LANCL3: variants seen among roughly 807,000 people sequenced by gnomAD.
LANCL3 encodes LanC like family member 3, also known as lanC-like protein 3.
A neutral mutation model predicts 26.5 loss-of-function variants in LANCL3; 19 were observed. The observed-to-expected ratio is 0.72, with a 90% confidence interval of 0.50 to 1.05. The LOEUF (loss-of-function observed/expected upper bound fraction) is 1.05, where lower values mean the gene tolerates loss of function less well. Among genes scored for constraint, LANCL3 ranks in the 50% least tolerant of loss-of-function variants. The pLI, the probability that LANCL3 is intolerant of heterozygous loss-of-function variation, is 0.00. For synonymous variants in LANCL3, 160 were observed against 166.6 expected (o/e 0.96, Z 0.30); for missense variants, 318 against 362.7 (o/e 0.88, Z 1.00).
At chrX:37,650,040 G>A (rs1173049098) in intron 1 of LANCL3, among the ~76,000 whole-genome samples, 17 of 110,458 alleles carry the variant, frequency 1.5e-4, no homozygotes, top group African/African-American at 5.0e-4. Flanking sequence ...GGTGGTTCAC[G>A]CCTGTAATCC....
intron 1 of LANCL3, among the ~76,000 whole-genome samples, chrX:37,617,140 G>A (rs1556421785): frequency 9.0e-6 from 1 of 110,516 alleles, no homozygotes; most frequent in Admixed American, 9.6e-5. Context: ...GGGAGAGAGA[G>A]AGAGATTGAC....
chrX:37,584,792 C>G (rs782049902), intron 1 of LANCL3, among the ~76,000 whole-genome samples: 4 of 111,614 alleles, frequency 3.6e-5, no homozygotes, highest in Non-Finnish European at 7.5e-5. Flanking sequence ...GTTTCTCTAT[C>G]TCCTTCAGTT....
chrX:37,625,877 A>G (rs782525682), intron 1 of LANCL3, among the ~76,000 whole-genome samples: 2 of 111,632 alleles, frequency 1.8e-5, no homozygotes, highest in South Asian at 3.8e-4. Flanking sequence ...TTTTTTGCCA[A>G]TAGGTCTGCA....
chrX:37,669,495 T>C (rs1482214766), intron 4 of LANCL3, among the ~76,000 whole-genome samples: 2 of 111,639 alleles, frequency 1.8e-5, no homozygotes, highest in African/African-American at 3.3e-5. Flanking sequence ...TACTGTATAG[T>C]GATAGAGTTC....
intron 1 of LANCL3, among the ~76,000 whole-genome samples, chrX:37,636,496 A>G (rs1556425354): frequency 1.8e-5 from 2 of 112,494 alleles, no homozygotes; most frequent in African/African-American, 6.5e-5. Context: ...TAACTTTTTA[A>G]AAAGCTTGCG....
intron 1 of LANCL3, among the ~76,000 whole-genome samples, chrX:37,619,635 A>G (rs944763410): frequency 8.9e-6 from 1 of 112,064 alleles, no homozygotes; most frequent in Non-Finnish European, 1.9e-5. Flanking sequence ...TTAAATTTTG[A>G]AACTTGCTAA....
intron 1 of LANCL3, among the ~76,000 whole-genome samples, chrX:37,603,774 A>C (rs1556420274): frequency 8.9e-6 from 1 of 112,346 alleles, no homozygotes; most frequent in Non-Finnish European, 1.9e-5. Flanking sequence ...GCAGAAGAAA[A>C]GGGAAAAAAG....
chrX:37,659,312 C>T (rs1041539421), intron 2 of LANCL3, 150 bp from the exon 3 acceptor site: 13 of 459,242 alleles, frequency 2.8e-5, no homozygotes, highest in Non-Finnish European at 4.4e-5. Context: ...TTGCTAGAAG[C>T]CTAGTTCTTA....
intron 1 of LANCL3, among the ~76,000 whole-genome samples, chrX:37,649,931 C>G (rs983993035): frequency 9.0e-6 from 1 of 110,987 alleles, no homozygotes; most frequent in Non-Finnish European, 1.9e-5. Flanking sequence ...GTTTTAAGAA[C>G]TATTTTTGCA....
In LANCL3 at chrX:37,681,203, T is replaced by G. The variant is rs782388223; in HGVS notation, c.*5390T>G. On this transcript the variant is annotated 3_prime_UTR_variant, in exon 5 of 5. Transcript: ENST00000378619. ...GTAAAAGAAAAAGATGAAATTAATTTTAATAATGTATTTGACTTAGCCTTA... is the reference window on the plus strand; with the variant it reads ...GTAAAAGAAAAAGATGAAATTAATTGTAATAATGTATTTGACTTAGCCTTA... 1 of 112,737 alleles carries G rather than the reference T, an allele frequency of 8.9e-6. No homozygotes were observed. The highest frequency in any genetic ancestry group is 3.2e-5 in the African/African-American group (1 of 31,082). The allele number at this position is 112,737 out of a possible 1,213,427, so 9.3% of individuals were successfully genotyped here. A position where few individuals can be genotyped will look rare whatever the true frequency, so the allele number is the denominator to read the frequency against.
chrX:37,638,426 T>C (rs1556425553), intron 1 of LANCL3, among the ~76,000 whole-genome samples: 1 of 111,642 alleles, frequency 9.0e-6, no homozygotes, highest in Non-Finnish European at 1.9e-5. Context: ...GTAATTCCTC[T>C]TCCCAGTAGG....
intron 1 of LANCL3, among the ~76,000 whole-genome samples, chrX:37,575,186 T>C (rs1923714694): frequency 9.1e-6 from 1 of 110,240 alleles, no homozygotes; most frequent in Admixed American, 9.6e-5. Context: ...CTCAGTCTCC[T>C]AAAGTCCTGG....
intron 4 of LANCL3, 29 bp downstream of exon 4, chrX:37,667,518 T>G: frequency 1.0e-6 from 1 of 976,072 alleles, no homozygotes; most frequent in East Asian, 3.7e-5. Flanking sequence ...GTCTTTTTTT[T>G]TTTCAAAATT....
Position 37,657,542 on chromosome X carries a change from AT to A in LANCL3, c.697+1749del, listed in dbSNP as rs34071239. Among the ~76,000 whole-genome samples, 185 of 92,449 alleles carry A rather than the reference AT, an allele frequency of 2.0e-3. 2 individuals are homozygous for A. The highest frequency in any genetic ancestry group is 6.9e-3 in the Admixed American group (58 of 8,419). The allele number at this position is 92,449 out of a possible 115,157, so 80.3% of individuals were successfully genotyped here. ...ATGCCTGGTCAAATTTTTATCTTTA[AT>A]TTTTTTTTTTTTTTTTTATAGAGAC... On this transcript the variant is annotated intron_variant, in intron 2 of 4. Transcript: ENST00000378619.
rs1469899121 is a variant in LANCL3, at chrX:37,590,088, C to T, written c.573+17645C>T. Among the ~76,000 whole-genome samples, 4 of 112,617 alleles carry T rather than the reference C, an allele frequency of 3.6e-5. No homozygotes were observed. The South Asian group carries it at 1.1e-3, about 31-fold the overall frequency. The stretch of plus-strand genomic sequence containing the variant: ...CTGATTTGTGCTTCTTGGAGTAAAT[C>T]ACCTGATTGGCTTGAAGATACTGTA... On this transcript the variant is annotated intron_variant, in intron 1 of 4. Transcript: ENST00000378619.
rs189570966 is a variant in LANCL3 at position 37,666,339 on chromosome X, C to G, written c.896-943C>G. On this transcript the variant is annotated intron_variant, in intron 3 of 4. Coordinates refer to ENST00000378619, the MANE Select transcript of LANCL3 (RefSeq NM_001170331.2). ...CAGAGGGAAGTCAACCTCTACCAGACAGAGTGTGAGTTTCTAGGGACAGAA... is the reference window on the plus strand; with the variant it reads ...CAGAGGGAAGTCAACCTCTACCAGAGAGAGTGTGAGTTTCTAGGGACAGAA... Among the ~76,000 whole-genome samples, 215 of 112,110 alleles carry G rather than the reference C, an allele frequency of 1.9e-3. 2 individuals are homozygous for G. The highest frequency in any genetic ancestry group is 6.7e-3 in the African/African-American group (206 of 30,920).
At chrX:37,595,138 T>A (rs1556419368) in intron 1 of LANCL3, among the ~76,000 whole-genome samples, 1 of 111,765 alleles carries the variant, frequency 8.9e-6, no homozygotes, top group Non-Finnish European at 1.9e-5. Flanking sequence ...ACATGTTTCC[T>A]AGGGAGCCTT....
chrX:37,588,318 C>G (rs782491068), intron 1 of LANCL3, among the ~76,000 whole-genome samples: 9 of 111,313 alleles, frequency 8.1e-5, no homozygotes, highest in Non-Finnish European at 1.3e-4. Flanking sequence ...TTCAACAGTT[C>G]GTGATGTGTC....
chrX:37,603,833 A>G (rs10482553), intron 1 of LANCL3, among the ~76,000 whole-genome samples: 28,483 of 111,903 alleles, frequency 0.25, 6,331 homozygotes, highest in African/African-American at 0.74. Flanking sequence ...GATAGGCATG[A>G]GCACATTCAG....
Sources: allele counts gnomAD v4.1 joint callset (sites outside exome capture counted in the v4.1 genomes callset), GRCh38; gene constraint gnomAD v4.1.1; transcripts MANE v1.5; gene names NCBI Gene and HGNC (gene_info 2026-07-23, HGNC 2026-07-21).